The following HIVEP3 variants were observed in gnomAD, a reference collection of about 807,000 sequenced individuals.
The protein encoded by HIVEP3 is transcription factor HIVEP3.
In HIVEP3, 49 loss-of-function variants were observed where a neutral mutation model predicts 152.8. The ratio of observed to expected loss-of-function variants is 0.32; its 90% confidence interval spans 0.26 to 0.41. HIVEP3 has a LOEUF of 0.41. Among genes scored for constraint, HIVEP3 ranks in the 10% least tolerant of loss-of-function variants. The probability of loss-of-function intolerance (pLI) is 1.00; values close to 1 mark genes in which losing one functional copy is unlikely to be tolerated. For missense variants in HIVEP3, 2,790 were observed against 3,103.3 expected, an observed-to-expected ratio of 0.90 and a Z score of 2.40; for synonymous variants, 1,269 against 1,289.0, an observed-to-expected ratio of 0.98 and a Z score of 0.33.
At chr1:41,562,601 T>TTCTCTCTCTCTCTCTCTC (rs72509109) in intron 5 of HIVEP3, among the ~76,000 whole-genome samples, 1 of 126,176 alleles carries the variant, frequency 7.9e-6, no homozygotes, top group Non-Finnish European at 1.6e-5. Flanking sequence ...CTTCCTTTCT[T>TTCTCTCTCTCTCTCTCTC]TCTCTCTCTC....
intron 1 of HIVEP3, among the ~76,000 whole-genome samples, chr1:41,890,052 G>T (rs563447063): frequency 1.3e-5 from 2 of 152,200 alleles, no homozygotes; most frequent in African/African-American, 2.4e-5. Flanking sequence ...ATCCTGGCTC[G>T]GCCAATGACT....
chr1:41,919,215 T>C (rs1644919102), upstream of HIVEP3, among the ~76,000 whole-genome samples: 1 of 152,140 alleles, frequency 6.6e-6, no homozygotes, highest in Non-Finnish European at 1.5e-5. Context: ...TCAGTACTAA[T>C]TGGCACGTTA....
chr1:41,750,723 G>A (rs1432383842), intron 1 of HIVEP3, among the ~76,000 whole-genome samples: 1 of 108,090 alleles, frequency 9.3e-6, no homozygotes, highest in African/African-American at 3.0e-5. Flanking sequence ...TTTTTGACAC[G>A]CGTCTCGCTC....
chr1:41,917,940 C>T (rs1281163366), intron 1 of HIVEP3, among the ~76,000 whole-genome samples: 25 of 152,216 alleles, frequency 1.6e-4, no homozygotes. Context: ...CTAAACAATC[C>T]GGAGCAGCAG....
In HIVEP3 at chr1:41,630,273, T is replaced by C. The variant is rs545748708; in HGVS notation, c.-720-1326A>G. Among the ~76,000 whole-genome samples, 20 of 152,168 alleles carry C rather than the reference T, an allele frequency of 1.3e-4. No individual in the cohort carries two copies. In the East Asian group the frequency reaches 3.3e-3, roughly 25 times the overall value. On this transcript the variant is annotated intron_variant, in intron 2 of 8. Transcript: ENST00000372583. ...GGGAACGACAGACACTAGTAACTAC[T>C]GGGTGGGGGAGAGAGAGGGAGGGAC...
At chr1:41,912,536 A>T (rs1644812862) in intron 1 of HIVEP3, among the ~76,000 whole-genome samples, 1 of 152,224 alleles carries the variant, frequency 6.6e-6, no homozygotes, top group Non-Finnish European at 1.5e-5. Flanking sequence ...ACTCCAAAAC[A>T]TTCTTGTGAG....
chr1:41,618,041 A>G (rs1570119329), intron 3 of HIVEP3, among the ~76,000 whole-genome samples: 1 of 152,238 alleles, frequency 6.6e-6, no homozygotes, highest in Non-Finnish European at 1.5e-5. Context: ...CCTAGGAACC[A>G]TCTTACTAGA....
chr1:41,901,403 T>G (rs563154918), intron 1 of HIVEP3, among the ~76,000 whole-genome samples: 1 of 152,030 alleles, frequency 6.6e-6, no homozygotes, highest in Non-Finnish European at 1.5e-5. Flanking sequence ...CCAGGGGACG[T>G]GACACCTTCA....
At chr1:41,699,548 A>G (rs80153597) in intron 2 of HIVEP3, among the ~76,000 whole-genome samples, 1,976 of 152,276 alleles carry the variant, frequency 0.013, 42 homozygotes, top group African/African-American at 0.046. Flanking sequence ...GGGGTGGCCT[A>G]TTGTCCTTCA....
intron 1 of HIVEP3, among the ~76,000 whole-genome samples, chr1:41,878,089 G>A (rs1398231172): frequency 6.6e-6 from 1 of 152,128 alleles, no homozygotes; most frequent in East Asian, 1.9e-4. Flanking sequence ...CTCCTACAAA[G>A]CCTAATTTTA....
intron 2 of HIVEP3, among the ~76,000 whole-genome samples, chr1:41,676,804 A>C (rs773959925): frequency 6.4e-4 from 98 of 152,294 alleles, no homozygotes; most frequent in South Asian, 1.9e-3. Context: ...ACAATCGCGC[A>C]GTGACCCAGG....
At chr1:41,614,034 G>A (rs1287780788) in intron 3 of HIVEP3, among the ~76,000 whole-genome samples, 3 of 152,204 alleles carry the variant, frequency 2.0e-5, no homozygotes, top group African/African-American at 7.2e-5. Context: ...CAATGCCTGT[G>A]AGATCACGCA....
At chr1:41,645,170 G>T (rs1302400521) in intron 2 of HIVEP3, among the ~76,000 whole-genome samples, 1 of 152,122 alleles carries the variant, frequency 6.6e-6, no homozygotes, top group Non-Finnish European at 1.5e-5. Flanking sequence ...CCCTTGAATC[G>T]AATCCAGGCC....
chr1:41,737,096 G>A (rs568485752), intron 1 of HIVEP3, among the ~76,000 whole-genome samples: 59 of 152,122 alleles, frequency 3.9e-4, no homozygotes, highest in African/African-American at 1.3e-3. Context: ...CTCGTTCCCC[G>A]CTCACCAGTG....
rs565098765 is a variant in HIVEP3, at chr1:41,581,467, A to G, written c.3331T>C (p.Leu1111=). 32 of 1,574,148 alleles carry G rather than the reference A, an allele frequency of 2.0e-5. No individual in the cohort carries two copies. In the African/African-American group the frequency reaches 2.4e-4, roughly 12 times the overall value. ...TCTGTGTAGGGCACAGTGGGCCCCA[A>G]TGGGGGCCTGTCCTGCCCTGGGCCC... ...GKGPGQDRPP[L]GPTVPYTEAL... is the part of the protein sequence containing the mutation. The change falls in exon 4 of 9, where the codon TTG becomes CTG. Residue 1111 remains leucine (L), a synonymous_variant. Transcript: ENST00000372583. This position sits in a 1 kb window ranked among gnomAD's most constrained non-coding sequence, Gnocchi z 4.5.
At chr1:41,953,447 G>A (rs894609171) in intron 1 of HIVEP3, among the ~76,000 whole-genome samples, 1 of 152,156 alleles carries the variant, frequency 6.6e-6, no homozygotes, top group Non-Finnish European at 1.5e-5. Flanking sequence ...GAGATGATCT[G>A]GTTAAAGGGT....
intron 1 of HIVEP3, among the ~76,000 whole-genome samples, chr1:41,830,361 T>C (rs562177623): frequency 1.3e-5 from 2 of 152,272 alleles, no homozygotes; most frequent in African/African-American, 4.8e-5. Flanking sequence ...AGAAAGGTGT[T>C]TTTATGTCCT....
intron 1 of HIVEP3, among the ~76,000 whole-genome samples, chr1:41,979,180 A>C (rs989446393): frequency 1.3e-5 from 2 of 151,994 alleles, no homozygotes; most frequent in African/African-American, 4.8e-5. Flanking sequence ...CAAGCCTCCA[A>C]ATGATTCTTA....
At chr1:41,748,204 C>T (rs988849877) in intron 1 of HIVEP3, among the ~76,000 whole-genome samples, 11 of 152,182 alleles carry the variant, frequency 7.2e-5, no homozygotes, top group African/African-American at 2.7e-4. Context: ...TGGATTGGTG[C>T]TACAACCCTG....
Sources: gnomAD v4.1 joint callset for allele counts (sites outside exome capture counted in the v4.1 genomes callset) on GRCh38, gnomAD v4.1.1 for gene constraint, Gnocchi (gnomAD v3.1) non-coding constraint, MANE v1.5 for transcripts, NCBI Gene and HGNC (gene_info 2026-07-23, HGNC 2026-07-21) for gene names.